Variants in MCTS1 observed in about 807,000 individuals in gnomAD.
MCTS1 encodes the protein malignant T-cell-amplified sequence 1.
For synonymous variants in MCTS1, 26 were observed against 40.8 expected, an observed-to-expected ratio of 0.64 and a Z score of 1.38; for missense variants, 55 against 128.6, an observed-to-expected ratio of 0.43 and a Z score of 2.77.
chrX:120,612,222 T>C lies in MCTS1; in HGVS notation c.504T>C (p.His168=). The change falls in exon 6 of 6, where the codon CAT becomes CAC. Residue 168 remains histidine, a synonymous_variant. Transcript: ENST00000371317. ...VNKGIGIENI[H]YLNDGLWHMK... is the part of the protein sequence containing the mutation. The stretch of plus-strand genomic sequence containing the variant: ...AAGGAATTGGCATTGAAAATATCCA[T>C]TATTTAAATGATGGGCTGTGGCATA... 1 of 1,208,036 alleles carries C rather than the reference T, an allele frequency of 8.3e-7. No individual in the cohort carries two copies. Among genetic ancestry groups the C allele is most frequent in the Middle Eastern group, 2.3e-4 (1 of 4,346 alleles).
intron 5 of MCTS1, 24 bp from the exon 6 acceptor site, chrX:120,612,159 T>C: frequency 9.3e-7 from 1 of 1,072,966 alleles, no homozygotes; most frequent in Non-Finnish European, 1.3e-6. Context: ...AAAGTATGTT[T>C]ATGTGTTTTT....
rs1404463064 is a variant in MCTS1, at chrX:120,617,659, T to C, written c.*5395T>C. On this transcript the variant is annotated 3_prime_UTR_variant, in exon 6 of 6. Coordinates refer to ENST00000371317, the MANE Select transcript of MCTS1 (RefSeq NM_014060.3). ...TAATCAATTACTCCCTTAAAGTTCA[T>C]TGTAAGTGTTCTCAGAACTCTACCA... Among the ~76,000 whole-genome samples, 3 of 112,237 alleles carry C rather than the reference T, an allele frequency of 2.7e-5. No individual in the cohort carries two copies. The highest frequency in any genetic ancestry group is 7.3e-4 in the South Asian group (2 of 2,727).
chrX:120,613,973 A>G lies in MCTS1; in HGVS notation c.*1709A>G, dbSNP rs1234585593. ...AGCCATCTTCATTTGGTTGTTTACC[A>G]ATATATGACATGTGATTTTATTTTT... On this transcript the variant is annotated 3_prime_UTR_variant, in exon 6 of 6. Coordinates refer to ENST00000371317, the MANE Select transcript of MCTS1 (RefSeq NM_014060.3). 8.9e-6 allele frequency among the ~76,000 whole-genome samples: 1 copy of G among 112,465 alleles called. No homozygotes were observed. Among genetic ancestry groups the G allele is most frequent in the Non-Finnish European group, 1.9e-5 (1 of 53,318 alleles).
At chrX:120,608,115 T>A in intron 3 of MCTS1, 110 bp from the exon 4 acceptor site, 4 of 590,585 alleles carry the variant, frequency 6.8e-6, no homozygotes, top group Non-Finnish European at 9.9e-6. Flanking sequence ...GTTTCAGAGT[T>A]TTCTTTTGTA....
rs952459350 is a variant in MCTS1 at position 120,619,792 on chromosome X, T to C, written c.*7528T>C. ...CTGGAGTAATGTTTTTCTGTTTCCC[T>C]CTTAGCAAAGTGGAGTGGGAGAATC... On this transcript the variant is annotated 3_prime_UTR_variant, in exon 6 of 6. Coordinates refer to ENST00000371317, the MANE Select transcript of MCTS1 (RefSeq NM_014060.3). 2.7e-5 allele frequency among the ~76,000 whole-genome samples: 3 copies of C among 111,757 alleles called. No homozygotes were observed. The highest frequency in any genetic ancestry group is 5.6e-5 in the Non-Finnish European group (3 of 53,199).
intron 3 of MCTS1, among the ~76,000 whole-genome samples, chrX:120,607,633 T>C (rs753924502): frequency 1.8e-5 from 2 of 111,831 alleles, no homozygotes; most frequent in Non-Finnish European, 3.8e-5. Context: ...ATTGATACAT[T>C]ATTATTAACG....
Position 120,608,206 on chromosome X carries a change from T to C in MCTS1, c.263-19T>C, listed in dbSNP as rs1028139378. 4.3e-6 allele frequency: 5 copies of C among 1,154,274 alleles called. No homozygotes were observed. The highest frequency in any genetic ancestry group is 5.9e-6 in the Non-Finnish European group (5 of 853,896). On this transcript the variant is annotated intron_variant, in intron 3 of 5. Coordinates refer to ENST00000371317, the MANE Select transcript of MCTS1 (RefSeq NM_014060.3). Reference sequence around the variant, plus strand: ...GTCATTAGTCTTATTATTAATATATTGTATATCTTTTCTTACAGATCCTTT... The same window carrying C: ...GTCATTAGTCTTATTATTAATATATCGTATATCTTTTCTTACAGATCCTTT...
rs1347456069 is a variant in MCTS1, at chrX:120,620,808, TA to T, written c.*8548del. ...TGCAAGGAGATGGCCTGGGGCTTGC[TA>T]AAAGTCAGGTTGCAGTTTCCATTGC... On this transcript the variant is annotated 3_prime_UTR_variant, in exon 6 of 6. Coordinates refer to ENST00000371317, the MANE Select transcript of MCTS1 (RefSeq NM_014060.3). 8.9e-6 allele frequency: 1 copy of T among 112,010 alleles called. No homozygotes were observed. The highest frequency in any genetic ancestry group is 1.9e-5 in the Non-Finnish European group (1 of 53,275). 9.2% of individuals were successfully genotyped at this position (112,010 alleles called of 1,213,427 possible).
chrX:120,606,674 C>A lies in MCTS1; in HGVS notation c.262+498C>A, dbSNP rs1271411260. 3.7e-5 allele frequency among the ~76,000 whole-genome samples: 4 copies of A among 108,969 alleles called. No homozygotes were observed. In the Admixed American group the frequency reaches 4.0e-4, roughly 11 times the overall value. The allele number at this position is 108,969 out of a possible 115,157, so 94.6% of individuals were successfully genotyped here. A position where few individuals can be genotyped will look rare whatever the true frequency, so the allele number is the denominator to read the frequency against. On this transcript the variant is annotated intron_variant, in intron 3 of 5. Coordinates refer to ENST00000371317, the MANE Select transcript of MCTS1 (RefSeq NM_014060.3). The stretch of plus-strand genomic sequence containing the variant: ...TCACAGGTGCCTGTAATCCCAGCTA[C>A]TCGGGAGGCTGAGGCAGGAGAATCA...
chrX:120,610,956 A>G (rs1926671645), intron 4 of MCTS1, 55 bp from the exon 5 acceptor site: 4 of 1,150,840 alleles, frequency 3.5e-6, no homozygotes, highest in Admixed American at 2.2e-5. Flanking sequence ...CCTTCCCTTG[A>G]TGGGGAGGCC....
rs1023926569 is a variant in MCTS1, at chrX:120,615,919, G to T, written c.*3655G>T. ...TATTCCCCAAACAGAAGGTTATATG[G>T]CATATATCAAATAATAATGATATCC... On this transcript the variant is annotated 3_prime_UTR_variant, in exon 6 of 6. Coordinates refer to ENST00000371317, the MANE Select transcript of MCTS1 (RefSeq NM_014060.3). 8.9e-6 allele frequency among the ~76,000 whole-genome samples: 1 copy of T among 112,256 alleles called. No homozygotes were observed. The highest frequency in any genetic ancestry group is 3.2e-5 in the African/African-American group (1 of 30,984).
In MCTS1 at chrX:120,616,190, A is replaced by T. The variant is rs1926846965; in HGVS notation, c.*3926A>T. On this transcript the variant is annotated 3_prime_UTR_variant, in exon 6 of 6. Coordinates refer to ENST00000371317, the MANE Select transcript of MCTS1 (RefSeq NM_014060.3). ...GTTCCTTAATTTTGAGACTATAATTATCAAGGCTCTTCAAGAAACTCAAAA... is the reference window on the plus strand; with the variant it reads ...GTTCCTTAATTTTGAGACTATAATTTTCAAGGCTCTTCAAGAAACTCAAAA... Among the ~76,000 whole-genome samples, 1 of 112,457 alleles carries T rather than the reference A, an allele frequency of 8.9e-6. No individual in the cohort carries two copies. Among genetic ancestry groups the T allele is most frequent in the Non-Finnish European group, 1.9e-5 (1 of 53,253 alleles).
rs956505615 is a variant in MCTS1, at chrX:120,615,593, A to C, written c.*3329A>C. Among the ~76,000 whole-genome samples the C allele has an allele frequency of 8.9e-6, 1 of 111,902 alleles. No homozygotes were observed. The highest frequency in any genetic ancestry group is 9.5e-5 in the Admixed American group (1 of 10,480). ...TTTTAGTCATCAAAAATTGTAAATTACAAATGAACTAAATGTAGTAATATT... is the reference window on the plus strand; with the variant it reads ...TTTTAGTCATCAAAAATTGTAAATTCCAAATGAACTAAATGTAGTAATATT... On this transcript the variant is annotated 3_prime_UTR_variant, in exon 6 of 6. Coordinates refer to ENST00000371317, the MANE Select transcript of MCTS1 (RefSeq NM_014060.3).
At chrX:120,608,419 G>A in intron 4 of MCTS1, 61 bp downstream of exon 4, 30 of 1,082,242 alleles carry the variant, frequency 2.8e-5, no homozygotes, top group Non-Finnish European at 3.6e-5. Flanking sequence ...TCATTACTGC[G>A]AAAGGTGTAC....
chrX:120,607,516 T>C (rs983612603), intron 3 of MCTS1, among the ~76,000 whole-genome samples: 3 of 111,284 alleles, frequency 2.7e-5, no homozygotes, highest in African/African-American at 9.8e-5. Flanking sequence ...AGTTTTAGGT[T>C]TCCAGAAAAA....
intron 5 of MCTS1, chrX:120,611,306 A>G (rs1454175122): frequency 5.9e-6 from 2 of 341,168 alleles, no homozygotes; most frequent in African/African-American, 5.1e-5. Flanking sequence ...GTGCCAACAC[A>G]GCTGTTTTAT....
intron 3 of MCTS1, among the ~76,000 whole-genome samples, chrX:120,607,801 C>G (rs1399279115): frequency 9.0e-6 from 1 of 111,662 alleles, no homozygotes; most frequent in African/African-American, 3.3e-5. Context: ...CCTCCCCCCA[C>G]TTCCCCAACC....
In MCTS1 at chrX:120,604,106, C is replaced by G. The variant is rs945596445; in HGVS notation, c.-131C>G. ...GTAAAGCGCGGCTGGCTCTCGTTTT[C>G]CGGATAACGACTACAGCTCCGACTG... On this transcript the variant is annotated 5_prime_UTR_variant, in exon 1 of 6. Coordinates refer to ENST00000371317, the MANE Select transcript of MCTS1 (RefSeq NM_014060.3). 4 of 830,189 alleles carry G rather than the reference C, an allele frequency of 4.8e-6. No individual in the cohort carries two copies. Among genetic ancestry groups the G allele is most frequent in the Non-Finnish European group, 3.4e-6 (2 of 581,167 alleles). The allele number at this position is 830,189 out of a possible 1,213,427, so 68.4% of individuals were successfully genotyped here. A position where few individuals can be genotyped will look rare whatever the true frequency, so the allele number is the denominator to read the frequency against.
At chrX:120,610,352 C>T (rs1414663714) in intron 4 of MCTS1, among the ~76,000 whole-genome samples, 2 of 110,293 alleles carry the variant, frequency 1.8e-5, no homozygotes, top group Non-Finnish European at 3.8e-5. Context: ...TGGTGGCTCA[C>T]GCCTATAATG....
Sources: gnomAD v4.1 joint callset for allele counts (sites outside exome capture counted in the v4.1 genomes callset) on GRCh38, gnomAD v4.1.1 for gene constraint, MANE v1.5 for transcripts, NCBI Gene and HGNC (gene_info 2026-07-23, HGNC 2026-07-21) for gene names.